Variants in ATP8A2 observed in about 807,000 individuals in gnomAD.
The protein encoded by ATP8A2 is phospholipid-transporting ATPase IB.
In ATP8A2, 100 loss-of-function variants were observed where a neutral mutation model predicts 165.6. The ratio of observed to expected loss-of-function variants is 0.60; its 90% CI spans 0.51 to 0.71. The LOEUF is 0.71. Among genes scored for constraint, ATP8A2 ranks in the 30% least tolerant of loss-of-function variants. The probability of loss-of-function intolerance (pLI) is 0.00; values close to 1 mark genes in which losing one functional copy is unlikely to be tolerated. For synonymous variants in ATP8A2, 543 were observed against 548.8 expected, an observed-to-expected ratio of 0.99 and a Z score of 0.15; for missense variants, 1,227 against 1,479.5, an observed-to-expected ratio of 0.83 and a Z score of 2.80.
chr13:25,809,239 A>C (rs564265075), intron 27 of ATP8A2, among the ~76,000 whole-genome samples: 1 of 152,144 alleles, frequency 6.6e-6, no homozygotes, highest in Non-Finnish European at 1.5e-5. Context: ...ACTTGTGTTC[A>C]CTATTTGGGT....
At chr13:25,558,948 ATAT>A (rs2039062673) in intron 13 of ATP8A2, 22 bp from the exon 14 acceptor site, 1 of 1,472,620 alleles carries the variant, frequency 6.8e-7, no homozygotes, top group African/African-American at 1.4e-5. Context: ...TTCCTGATGT[ATAT>A]TTCTTTTATT....
At chr13:25,761,205 C>T (rs80154643) in intron 25 of ATP8A2, among the ~76,000 whole-genome samples, 4,178 of 152,278 alleles carry the variant, frequency 0.027, 220 homozygotes, top group African/African-American at 0.092. Context: ...ACCGTCAGTA[C>T]ATCTGGGCTC....
At chr13:25,699,451 C>A in intron 25 of ATP8A2, 106 bp downstream of exon 25, 3 of 890,190 alleles carry the variant, frequency 3.4e-6, no homozygotes, top group Non-Finnish European at 4.7e-6. Context: ...AGTTTTGTAT[C>A]TAAAAAAGGC....
In ATP8A2 at chr13:25,591,583, C is replaced by CTTTT. The variant is rs749798935; in HGVS notation, c.2211+1901_2211+1904dup. 9.9e-4 allele frequency among the ~76,000 whole-genome samples: 131 copies of CTTTT among 131,830 alleles called. 2 individuals are homozygous for CTTTT. Among genetic ancestry groups the CTTTT allele is most frequent in the African/African-American group, 3.5e-3 (122 of 34,836 alleles). 86.5% of individuals were successfully genotyped at this position (131,830 alleles called of 152,430 possible). A position where few individuals can be genotyped will look rare whatever the true frequency, so the allele number is the denominator to read the frequency against. ...CAGTGGACAGTTGAGTAGCTTATAA[C>CTTTT]TTTTTTTTTTTTTTTTTTTTGAGAC... On this transcript the variant is annotated intron_variant, in intron 24 of 36. Transcript: ENST00000381655.
At chr13:25,790,765 A>C (rs1391021514) in intron 27 of ATP8A2, among the ~76,000 whole-genome samples, 1 of 152,164 alleles carries the variant, frequency 6.6e-6, no homozygotes, top group Non-Finnish European at 1.5e-5. Context: ...AGTGGCCAAC[A>C]AGCATACAAA....
intron 33 of ATP8A2, among the ~76,000 whole-genome samples, chr13:25,875,147 C>T (rs1952792336): frequency 6.6e-6 from 1 of 151,980 alleles, no homozygotes; most frequent in Non-Finnish European, 1.5e-5. Context: ...GCAGTTTTGC[C>T]ACATGAAAAC....
At chr13:25,539,627 T>C (rs1257529654) in intron 7 of ATP8A2, among the ~76,000 whole-genome samples, 3 of 152,202 alleles carry the variant, frequency 2.0e-5, no homozygotes, top group African/African-American at 7.2e-5. Flanking sequence ...CAAGGCCATA[T>C]AGCCCATAAA....
At chr13:25,406,289 T>C (rs575273292) in intron 1 of ATP8A2, among the ~76,000 whole-genome samples, 1 of 152,296 alleles carries the variant, frequency 6.6e-6, no homozygotes, top group Non-Finnish European at 1.5e-5. Flanking sequence ...TTACAGACTA[T>C]AGGGGACTGG....
chr13:25,788,957 A>G (rs2045099586), intron 27 of ATP8A2, among the ~76,000 whole-genome samples: 2 of 152,200 alleles, frequency 1.3e-5, no homozygotes, highest in Admixed American at 6.5e-5. Context: ...CTTGAGTTAC[A>G]TGAAGAGCAG....
chr13:25,425,497 C>G (rs1397648716), intron 1 of ATP8A2, among the ~76,000 whole-genome samples: 1 of 95,036 alleles, frequency 1.1e-5, no homozygotes, highest in Non-Finnish European at 2.3e-5. Flanking sequence ...GAGTCTCGCT[C>G]TAGTACTGGA....
intron 24 of ATP8A2, among the ~76,000 whole-genome samples, chr13:25,614,081 C>A (rs1340805002): frequency 6.6e-6 from 1 of 152,312 alleles, no homozygotes; most frequent in East Asian, 1.9e-4. Context: ...AGATCTCTAG[C>A]AAAGCCGGAG....
chr13:26,014,408 C>T (rs1956919344), intron 36 of ATP8A2, among the ~76,000 whole-genome samples: 1 of 152,038 alleles, frequency 6.6e-6, no homozygotes, highest in African/African-American at 2.4e-5. Context: ...GTTTATATAG[C>T]AGGGAAGAAA....
chr13:25,740,352 C>A (rs1391141757), intron 25 of ATP8A2, among the ~76,000 whole-genome samples: 1 of 148,346 alleles, frequency 6.7e-6, no homozygotes, highest in Non-Finnish European at 1.5e-5. Flanking sequence ...ATTATTTTTG[C>A]AGAAGGATGA....
intron 2 of ATP8A2, among the ~76,000 whole-genome samples, chr13:25,510,705 AG>A (rs1355881982): frequency 6.6e-6 from 1 of 152,202 alleles, no homozygotes; most frequent in Non-Finnish European, 1.5e-5. Flanking sequence ...AGATATGAGT[AG>A]TTACTAGCTC....
chr13:25,951,174 C>G (rs1955347184), intron 33 of ATP8A2, among the ~76,000 whole-genome samples: 1 of 152,184 alleles, frequency 6.6e-6, no homozygotes, highest in Non-Finnish European at 1.5e-5. Flanking sequence ...CAAAAAAAGA[C>G]TTGTAGAAGC....
At chr13:25,832,401 G>A (rs549642292) in intron 28 of ATP8A2, among the ~76,000 whole-genome samples, 4 of 152,252 alleles carry the variant, frequency 2.6e-5, no homozygotes, top group Admixed American at 6.5e-5. Context: ...AGCCAGCATC[G>A]TTTGAGGAAG....
intron 28 of ATP8A2, among the ~76,000 whole-genome samples, chr13:25,836,417 C>T (rs1951609155): frequency 6.6e-6 from 1 of 152,182 alleles, no homozygotes; most frequent in South Asian, 2.1e-4. Context: ...TCCTTCCTCG[C>T]CCACATCCCT....
intron 27 of ATP8A2, among the ~76,000 whole-genome samples, chr13:25,808,549 A>G (rs766657233): frequency 1.2e-4 from 18 of 151,160 alleles, no homozygotes; most frequent in Non-Finnish European, 2.5e-4. Context: ...CAGTGAACCG[A>G]TATCATGCCA....
At chr13:25,763,670 A>G (rs1326463269) in intron 25 of ATP8A2, among the ~76,000 whole-genome samples, 1 of 152,112 alleles carries the variant, frequency 6.6e-6, no homozygotes, top group Non-Finnish European at 1.5e-5. Flanking sequence ...CTACTTTTAG[A>G]ATTTAGGGCT....
Sources: allele counts gnomAD v4.1 joint callset (sites outside exome capture counted in the v4.1 genomes callset), GRCh38; gene constraint gnomAD v4.1.1; transcripts MANE v1.5; gene names NCBI Gene and HGNC (gene_info 2026-07-23, HGNC 2026-07-21).